Variants in FBXL17 observed in about 807,000 individuals in gnomAD.
The protein encoded by FBXL17 is F-box/LRR-repeat protein 17.
Under a neutral mutation model 66.2 loss-of-function variants are expected in FBXL17, and 22 were observed. The observed-to-expected ratio is 0.33, with a 90% CI of 0.24 to 0.47. The LOEUF (loss-of-function observed/expected upper bound fraction) is 0.47. FBXL17 is among the 20% of genes least tolerant of loss of function. The pLI, the probability that FBXL17 is intolerant of heterozygous loss-of-function variation, is 1.00. For missense variants in FBXL17, 878 were observed against 948.2 expected (o/e 0.93, Z 0.97); for synonymous variants, 474 against 400.5 (o/e 1.18, Z -2.19).
rs141496814 is a variant in FBXL17, at chr5:108,058,608, C to T, written c.1746-37607G>A. ...CAAGCCATTCTCCTGCCTCAGCCTC[C>T]CGAGTAGTTGGGATTACAGGCACAT... On this transcript the variant is annotated intron_variant, in intron 6 of 8. Coordinates refer to ENST00000542267, the MANE Select transcript of FBXL17 (RefSeq NM_001163315.3). Among the ~76,000 whole-genome samples the T allele has an allele frequency of 9.3e-3, 1,408 of 152,162 alleles. 18 individuals are homozygous for T. The highest frequency in any genetic ancestry group is 0.031 in the African/African-American group (1,305 of 41,506).
chr5:108,200,432 T>C (rs1271451621), intron 5 of FBXL17, among the ~76,000 whole-genome samples: 1 of 152,116 alleles, frequency 6.6e-6, no homozygotes, highest in Non-Finnish European at 1.5e-5. Context: ...ACGGGAGTTC[T>C]TTATAACAAT....
chr5:108,120,695 TG>T (rs1238313648), intron 6 of FBXL17, among the ~76,000 whole-genome samples: 8 of 152,146 alleles, frequency 5.3e-5, no homozygotes, highest in Non-Finnish European at 1.2e-4. Flanking sequence ...CAGCCAGGCC[TG>T]GTGGCATGTG....
chr5:107,899,746 T>G (rs1356849286), intron 7 of FBXL17, among the ~76,000 whole-genome samples: 3 of 152,206 alleles, frequency 2.0e-5, no homozygotes, highest in Non-Finnish European at 4.4e-5. Context: ...TACATCTAGA[T>G]GTACTTTATC....
intron 6 of FBXL17, among the ~76,000 whole-genome samples, chr5:108,117,266 G>A (rs1451206141): frequency 2.0e-5 from 3 of 152,188 alleles, no homozygotes; most frequent in African/African-American, 7.2e-5. Context: ...GAGATTGAGA[G>A]TGCTTGGGAA....
intron 6 of FBXL17, among the ~76,000 whole-genome samples, chr5:108,096,651 A>G (rs1369231430): frequency 1.3e-5 from 2 of 152,230 alleles, no homozygotes; most frequent in East Asian, 1.9e-4. Context: ...GACAAAAACA[A>G]TAAGATCAGC....
At chr5:107,939,400 C>T (rs781584340) in intron 7 of FBXL17, among the ~76,000 whole-genome samples, 18 of 151,992 alleles carry the variant, frequency 1.2e-4, no homozygotes, top group Non-Finnish European at 2.2e-4. Context: ...TCCTCTCTGT[C>T]CTCTTTCTCA....
At chr5:108,147,862 G>T (rs1222568529) in intron 6 of FBXL17, among the ~76,000 whole-genome samples, 1 of 151,702 alleles carries the variant, frequency 6.6e-6, no homozygotes, top group Non-Finnish European at 1.5e-5. Context: ...CCTCTTAATA[G>T]CAAGAAAGAG....
At chr5:108,285,908 C>A (rs1181681771) in intron 4 of FBXL17, among the ~76,000 whole-genome samples, 1 of 151,672 alleles carries the variant, frequency 6.6e-6, no homozygotes, top group East Asian at 1.9e-4. Context: ...CACCAGTAAA[C>A]CATATCCAGC....
intron 7 of FBXL17, among the ~76,000 whole-genome samples, chr5:107,922,956 G>T (rs1216941347): frequency 6.6e-6 from 1 of 152,196 alleles, no homozygotes; most frequent in African/African-American, 2.4e-5. Flanking sequence ...TTTGGAACAG[G>T]TGTTTCTGTC....
intron 8 of FBXL17, among the ~76,000 whole-genome samples, chr5:107,872,741 T>C (rs999864293): frequency 2.0e-5 from 3 of 152,214 alleles, no homozygotes; most frequent in Non-Finnish European, 2.9e-5. Flanking sequence ...CTAACGTTTA[T>C]TGCTTGCTTC....
At chr5:108,360,378 C>CT (rs1441952826) in intron 3 of FBXL17, among the ~76,000 whole-genome samples, 3 of 151,956 alleles carry the variant, frequency 2.0e-5, no homozygotes, top group South Asian at 2.1e-4. Context: ...TCTTGCTTGA[C>CT]TTTTTTTTCT....
intron 5 of FBXL17, among the ~76,000 whole-genome samples, chr5:108,204,767 T>A (rs9942358): frequency 2.6e-5 from 4 of 152,118 alleles, no homozygotes; most frequent in Non-Finnish European, 4.4e-5. Context: ...AATTTTATCA[T>A]GTTAGACTAA....
At chr5:107,996,891 G>T (rs1165117439) in intron 7 of FBXL17, among the ~76,000 whole-genome samples, 1 of 152,142 alleles carries the variant, frequency 6.6e-6, no homozygotes, top group Non-Finnish European at 1.5e-5. Context: ...ATTTCATCAT[G>T]GTACCTCTCC....
chr5:108,099,793 T>C (rs1749532602), intron 6 of FBXL17, among the ~76,000 whole-genome samples: 1 of 152,238 alleles, frequency 6.6e-6, no homozygotes, highest in African/African-American at 2.4e-5. Context: ...TATGCCAGAA[T>C]GGCATGTTTG....
At chr5:108,232,804 T>TATATATATATAA (rs1252750270) in intron 4 of FBXL17, among the ~76,000 whole-genome samples, 3 of 112,036 alleles carry the variant, frequency 2.7e-5, no homozygotes, top group African/African-American at 7.9e-5. Flanking sequence ...TATATATATA[T>TATATATATATAA]AATATATACT....
Position 108,126,684 on chromosome 5 carries a change from T to TATAC in FBXL17, c.1745+59432_1745+59433insGTAT, listed in dbSNP as rs1313924066. On this transcript the variant is annotated intron_variant, in intron 6 of 8. Coordinates refer to ENST00000542267, the MANE Select transcript of FBXL17 (RefSeq NM_001163315.3). ...ATATACATATATATATATATATATA[T>TATAC]ACACACATACATAACATGAGTCAGC... Among the ~76,000 whole-genome samples, 936 of 134,918 alleles carry TATAC rather than the reference T, an allele frequency of 6.9e-3. 6 individuals are homozygous for TATAC. Among genetic ancestry groups the TATAC allele is most frequent in the East Asian group, 0.015 (65 of 4,472 alleles). The allele number at this position is 134,918 out of a possible 152,430, so 88.5% of individuals were successfully genotyped here. A position where few individuals can be genotyped will look rare whatever the true frequency, so the allele number is the denominator to read the frequency against.
intron 4 of FBXL17, among the ~76,000 whole-genome samples, chr5:108,238,693 A>G (rs894870200): frequency 2.6e-5 from 4 of 151,680 alleles, no homozygotes; most frequent in Non-Finnish European, 4.4e-5. Flanking sequence ...TTTTTTTTGC[A>G]TTTTTTGTAG....
chr5:108,062,532 A>AATAATAATC (rs1263722055), intron 6 of FBXL17, among the ~76,000 whole-genome samples: 2 of 152,168 alleles, frequency 1.3e-5, no homozygotes, highest in Non-Finnish European at 2.9e-5. Flanking sequence ...GGAAGTCATA[A>AATAATAATC]ATAATAATCA....
At chr5:107,988,297 A>C (rs1201486108) in intron 7 of FBXL17, among the ~76,000 whole-genome samples, 1 of 151,664 alleles carries the variant, frequency 6.6e-6, no homozygotes, top group Non-Finnish European at 1.5e-5. Flanking sequence ...CTTTTTTTCT[A>C]CTGCAGAAAC....
Sources: allele counts gnomAD v4.1 joint callset (sites outside exome capture counted in the v4.1 genomes callset), GRCh38; gene constraint gnomAD v4.1.1; transcripts MANE v1.5; gene names NCBI Gene and HGNC (gene_info 2026-07-23, HGNC 2026-07-21).